The following TPRN variants were observed in gnomAD, a reference collection of about 807,000 sequenced individuals.
TPRN encodes the protein taperin.
In TPRN, 32 loss-of-function variants were observed where a neutral mutation model predicts 42.6. That is an observed-to-expected ratio of 0.75 (90% confidence interval 0.57 to 1.01). The LOEUF (loss-of-function observed/expected upper bound fraction) is 1.01, where lower values mean the gene tolerates loss of function less well. Ranked by LOEUF, TPRN falls within the 50% of genes least tolerant of loss-of-function variation. The pLI, the probability that TPRN is intolerant of heterozygous loss-of-function variation, is 0.00. For synonymous variants in TPRN, 541 were observed against 445.6 expected, an observed-to-expected ratio of 1.21 and a Z score of -2.70; for missense variants, 1,095 against 957.5, an observed-to-expected ratio of 1.14 and a Z score of -1.90.
Position 137,192,005 on chromosome 9 carries a change from T to C in TPRN, c.*107A>G, listed in dbSNP as rs1834625751. The C allele has an allele frequency of 2.9e-6, 4 of 1,394,032 alleles. No individual in the cohort carries two copies. Among genetic ancestry groups the C allele is most frequent in the Non-Finnish European group, 3.0e-6 (3 of 1,009,912 alleles). The allele number at this position is 1,394,032 out of a possible 1,614,324, so 86.4% of individuals were successfully genotyped here. A position where few individuals can be genotyped will look rare whatever the true frequency, so the allele number is the denominator to read the frequency against. On this transcript the variant is annotated 3_prime_UTR_variant, in exon 4 of 4. Coordinates refer to ENST00000409012, the MANE Select transcript of TPRN (RefSeq NM_001128228.3). ...CCAGGGCCAGGAGGGGTGGGTGGGA[T>C]ACAGTGAGGCCAAACAAGGCAGAAG... is the stretch of plus-strand genomic sequence containing the variant.
Position 137,200,414 on chromosome 9 carries a change from T to A in TPRN, c.298A>T (p.Ile100Phe). 8.9e-7 allele frequency: 1 copy of A among 1,120,332 alleles called. No individual in the cohort carries two copies. The highest frequency in any genetic ancestry group is 1.1e-6 in the Non-Finnish European group (1 of 913,354). The allele number at this position is 1,120,332 out of a possible 1,614,324, so 69.4% of individuals were successfully genotyped here. Residue 100 changes from isoleucine (I) to phenylalanine (F), a missense_variant, in exon 1 of 4, where the codon ATC (isoleucine) becomes TTC (phenylalanine). Physicochemically the swap from Ile to Phe is conservative, Grantham distance 21 (BLOSUM62 0). Coordinates refer to ENST00000409012, the MANE Select transcript of TPRN (RefSeq NM_001128228.3). The surrounding 1 kb of genome is among the most constrained non-coding windows in gnomAD (Gnocchi z 4.3). ...GGCGGGAAGCCGGGCACCGTCTCGA[T>A]GATGAGGACGCTGTCGGCGCGGAGG... ...RALRADSVLI[I>F]ETVPGFPPAP...
At chr9:137,196,111 C>A (rs1462244395) in intron 1 of TPRN, among the ~76,000 whole-genome samples, 1 of 152,214 alleles carries the variant, frequency 6.6e-6, no homozygotes, top group Non-Finnish European at 1.5e-5. Flanking sequence ...CTCACCGACT[C>A]CCACCACCCA....
intron 1 of TPRN, among the ~76,000 whole-genome samples, chr9:137,195,523 T>C (rs1834692451): frequency 1.3e-5 from 2 of 152,170 alleles, no homozygotes; most frequent in Non-Finnish European, 1.5e-5. Context: ...GCCTGGGGCT[T>C]GGTGCTGGCC....
In TPRN at chr9:137,199,184, C is replaced by T. The variant is rs1834753793; in HGVS notation, c.1528G>A (p.Gly510Arg). The T allele has an allele frequency of 6.2e-7, 1 of 1,613,244 alleles. No individual in the cohort carries two copies. The highest frequency in any genetic ancestry group is 8.5e-7 in the Non-Finnish European group (1 of 1,180,034). The stretch of plus-strand genomic sequence containing the variant: ...CTGAAGTGCTGGTCCTGCAGAGTCC[C>T]TGGCTTCCTCTTGGGCACCACTGTG... ...TFTVVPKRKP[G>R]TLQDQHFSQA... The change falls in exon 1 of 4, where the codon GGG (glycine) becomes AGG (arginine). Residue 510 changes from glycine (G) to arginine (R), a missense_variant. Transcript: ENST00000409012.
rs1342059517 is a variant in TPRN at position 137,192,135 on chromosome 9, T to C, written c.2113A>G (p.Ser705Gly). 5 of 1,613,490 alleles carry C rather than the reference T, an allele frequency of 3.1e-6. No individual in the cohort carries two copies. The Admixed American group carries it at 6.7e-5, about 22-fold the overall frequency. The change falls in exon 4 of 4, where the codon AGC (serine) becomes GGC (glycine). Residue 705 changes from serine to glycine, a missense_variant. Transcript: ENST00000409012. The stretch of plus-strand genomic sequence containing the variant: ...GCTCAGAAATACAGGGCTGGCTCGC[T>C]GCGGAAGTCCGAGAGGTCATTCTGA... ...ASQNDLSDFR[S>G]EPALYF
In TPRN at chr9:137,199,854, G is replaced by T; in HGVS notation, c.858C>A (p.Cys286Ter). 2 of 1,475,034 alleles carry T rather than the reference G, an allele frequency of 1.4e-6. No homozygotes were observed. The highest frequency in any genetic ancestry group is 1.8e-6 in the Non-Finnish European group (2 of 1,100,588). The allele number at this position is 1,475,034 out of a possible 1,614,324, so 91.4% of individuals were successfully genotyped here. A position where few individuals can be genotyped will look rare whatever the true frequency, so the allele number is the denominator to read the frequency against. ...CGTTGGTGCTGGTGGCTGCGGAGAC[G>T]CACTGGCGCTGGCTAGGAGTGGCAC... is the stretch of plus-strand genomic sequence containing the variant. ...PASATPSQRQ[C>*]VSAATSTNDS... is the part of the protein sequence containing the mutation. The change falls in exon 1 of 4, where the codon TGC becomes TGA. Residue 286 changes from cysteine (C) to a stop codon, truncating the protein, a stop_gained. Coordinates refer to ENST00000409012, the MANE Select transcript of TPRN (RefSeq NM_001128228.3). LOFTEE classifies it high-confidence loss of function.
chr9:137,193,051 G>T, intron 1 of TPRN: 1 of 318,422 alleles, frequency 3.1e-6, no homozygotes, highest in Non-Finnish European at 5.9e-6. Context: ...GGGAAACTGG[G>T]GTGGACACAT....
In TPRN at chr9:137,199,543, G is replaced by T; in HGVS notation, c.1169C>A (p.Ala390Glu). ...GGCCCCCTCCTCGACTGCCCACTGT[G>T]CCTCGACCTCCAGGGGGCTCTTCCC... ...ALGKSPLEVE[A>E]QWAVEEGACP... is the part of the protein sequence containing the mutation. The change falls in exon 1 of 4, where the codon GCA becomes GAA. Residue 390 changes from alanine to glutamate, a missense_variant. Coordinates refer to ENST00000409012, the MANE Select transcript of TPRN (RefSeq NM_001128228.3). The T allele has an allele frequency of 6.4e-7, 1 of 1,563,364 alleles. No homozygotes were observed. The highest frequency in any genetic ancestry group is 8.7e-7 in the Non-Finnish European group (1 of 1,154,482).
rs115035142 is a variant in TPRN, at chr9:137,198,541, C to T, written c.1725+446G>A. ...TCCAGCCAACCCCGATCATCTGGCC[C>T]TTCCCATTCATAGCGTGGCGCCTGG... On this transcript the variant is annotated intron_variant, in intron 1 of 3. Coordinates refer to ENST00000409012, the MANE Select transcript of TPRN (RefSeq NM_001128228.3). Among the ~76,000 whole-genome samples the T allele has an allele frequency of 5.7e-3, 861 of 152,368 alleles. 7 individuals are homozygous for T. The highest frequency in any genetic ancestry group is 0.018 in the African/African-American group (739 of 41,590).
Position 137,196,123 on chromosome 9 carries a change from A to C in TPRN, c.1725+2864T>G, listed in dbSNP as rs563405929. 2.3e-3 allele frequency among the ~76,000 whole-genome samples: 354 copies of C among 152,264 alleles called. 1 individual carries two copies. The highest frequency in any genetic ancestry group is 7.1e-3 in the African/African-American group (295 of 41,550). The stretch of plus-strand genomic sequence containing the variant: ...CCCCTCACCGACTCCCACCACCCAG[A>C]CAACTCCACTGAAGAGCTGCCCTTC... On this transcript the variant is annotated intron_variant, in intron 1 of 3. Coordinates refer to ENST00000409012, the MANE Select transcript of TPRN (RefSeq NM_001128228.3).
At chr9:137,196,781 C>T (rs1834711624) in intron 1 of TPRN, among the ~76,000 whole-genome samples, 1 of 152,222 alleles carries the variant, frequency 6.6e-6, no homozygotes, top group African/African-American at 2.4e-5. Flanking sequence ...AGCCCCACGC[C>T]TCTGTCCCCT....
chr9:137,199,138 C>G lies in TPRN; in HGVS notation c.1574G>C (p.Arg525Pro), dbSNP rs781517970. 2.5e-6 allele frequency: 4 copies of G among 1,613,092 alleles called. No individual in the cohort carries two copies. The highest frequency in any genetic ancestry group is 1.7e-5 in the Admixed American group (1 of 60,012). The change falls in exon 1 of 4, where the codon CGG becomes CCG. Residue 525 changes from arginine (R) to proline (P), a missense_variant. Transcript: ENST00000409012. ...CTCCTCCTCCTCGGCCTCCCGTGGC[C>G]GAGGCTCCCTGTTGGCCTGACTGAA... The part of the protein sequence containing the change: ...QHFSQANREP[R>P]PREAEEEEAS...
chr9:137,193,505 G>C (rs1220135788), intron 1 of TPRN: 1 of 152,530 alleles, frequency 6.6e-6, no homozygotes, highest in East Asian at 1.9e-4. Context: ...AGCCCAGGCA[G>C]GGCTGCTGGT....
intron 1 of TPRN, among the ~76,000 whole-genome samples, chr9:137,197,002 C>T (rs964802536): frequency 1.3e-5 from 2 of 152,212 alleles, no homozygotes; most frequent in Admixed American, 1.3e-4. Flanking sequence ...TCAGCCTCTC[C>T]CCCACTGCAT....
chr9:137,197,254 ACG>A (rs1215559240), intron 1 of TPRN, among the ~76,000 whole-genome samples: 3 of 152,008 alleles, frequency 2.0e-5, no homozygotes, highest in Admixed American at 6.5e-5. Context: ...GCCCGCCACC[ACG>A]CCCAGCTAAT....
In TPRN at chr9:137,199,953, C is replaced by T. The variant is rs1316986557; in HGVS notation, c.759G>A (p.Glu253=). Residue 253 remains glutamate (E), a synonymous_variant, in exon 1 of 4, where the codon GAG becomes GAA. Transcript: ENST00000409012. ...PGSGQWKPKV[E]SGDPSLHPPP... ...GCGGGTGGAGGGAGGGATCCCCCGA[C>T]TCCACCTTTGGCTTCCACTGTCCCG... 1.3e-6 allele frequency: 2 copies of T among 1,484,698 alleles called. No individual in the cohort carries two copies. The highest frequency in any genetic ancestry group is 4.3e-5 in the Admixed American group (2 of 46,058). The allele number at this position is 1,484,698 out of a possible 1,614,324, so 92.0% of individuals were successfully genotyped here. A position where few individuals can be genotyped will look rare whatever the true frequency, so the allele number is the denominator to read the frequency against.
In TPRN at chr9:137,192,192, G is replaced by A. The variant is rs748533793; in HGVS notation, c.2074-18C>T. On this transcript the variant is annotated intron_variant, in intron 3 of 3. Transcript: ENST00000409012. ...GGTGTGAGCTGAAAGTGAGAGGACAGAATGTGGACACATGGGCTCGCCCGG... is the reference window on the plus strand; with the variant it reads ...GGTGTGAGCTGAAAGTGAGAGGACAAAATGTGGACACATGGGCTCGCCCGG... 4.3e-6 allele frequency: 7 copies of A among 1,613,512 alleles called. No homozygotes were observed. Among genetic ancestry groups the A allele is most frequent in the Non-Finnish European group, 5.9e-6 (7 of 1,179,996 alleles).
chr9:137,200,649 C>T lies in TPRN; in HGVS notation c.63G>A (p.Glu21=), dbSNP rs752599510. 8 of 1,241,198 alleles carry T rather than the reference C, an allele frequency of 6.4e-6. No individual in the cohort carries two copies. The South Asian group carries it at 1.7e-4, about 26-fold the overall frequency. 76.9% of individuals were successfully genotyped at this position (1,241,198 alleles called of 1,614,324 possible). ...GCTTGGCCCGCTTCCGCTCCAGGAT[C>T]TCACGCTTCCAAGCGGGCACCGCAG... ...PRAAVPAWKR[E]ILERKRAKLA... is the part of the protein sequence containing the mutation. Residue 21 remains glutamate (E), a synonymous_variant, in exon 1 of 4, where the codon GAG becomes GAA. Transcript: ENST00000409012. This position sits in a 1 kb window ranked among gnomAD's most constrained non-coding sequence, Gnocchi z 4.3.
intron 1 of TPRN, among the ~76,000 whole-genome samples, chr9:137,198,728 T>C (rs889785148): frequency 6.6e-6 from 1 of 152,314 alleles, no homozygotes; most frequent in African/African-American, 2.4e-5. Flanking sequence ...GCAAGGGACA[T>C]AGCACTGTCT....
Sources: allele counts gnomAD v4.1 joint callset (sites outside exome capture counted in the v4.1 genomes callset), GRCh38; gene constraint gnomAD v4.1.1; non-coding constraint Gnocchi (gnomAD v3.1); transcripts MANE v1.5; gene names NCBI Gene and HGNC (gene_info 2026-07-23, HGNC 2026-07-21).